MSTN: variants seen among roughly 807,000 people sequenced by gnomAD.
MSTN encodes growth/differentiation factor 8.
Under a neutral mutation model 32.3 loss-of-function variants are expected in MSTN, and 12 were observed. The ratio of observed to expected loss-of-function variants is 0.37; its 90% CI spans 0.24 to 0.60. The LOEUF (loss-of-function observed/expected upper bound fraction) is 0.60, where lower values mean the gene tolerates loss of function less well. MSTN is among the 20% of genes least tolerant of loss of function. The pLI is 0.67. For missense variants in MSTN, 403 were observed against 450.3 expected (o/e 0.89, Z 0.95); for synonymous variants, 168 against 155.1 (o/e 1.08, Z -0.62).
rs1685630056 is a variant in MSTN, at chr2:190,062,612, A to T, written c.-16T>A. 4 of 1,608,158 alleles carry T rather than the reference A, an allele frequency of 2.5e-6. No individual in the cohort carries two copies. Among genetic ancestry groups the T allele is most frequent in the Non-Finnish European group, 3.4e-6 (4 of 1,177,084 alleles). On this transcript the variant is annotated 5_prime_UTR_variant, in exon 1 of 3. Transcript: ENST00000260950. ...GTTTTTGCATGATTTTAAAATCAAT[A>T]TAATCTTTTTTCTTGTTCTTGTTTC...
rs1685409052 is a variant in MSTN, at chr2:190,055,899, C to A, written c.*1359G>T. On this transcript the variant is annotated 3_prime_UTR_variant, in exon 3 of 3. Coordinates refer to ENST00000260950, the MANE Select transcript of MSTN (RefSeq NM_005259.3). ...AAAGTAACAGTTATTGTTGAGATAG[C>A]ATCAGTTTATTCTTCATTTCAGATA... The A allele has an allele frequency of 6.6e-6, 1 of 152,232 alleles. No homozygotes were observed. Among genetic ancestry groups the A allele is most frequent in the Non-Finnish European group, 1.5e-5 (1 of 67,980 alleles). The allele number at this position is 152,232 out of a possible 1,614,324, so 9.4% of individuals were successfully genotyped here.
chr2:190,057,470 C>T lies in MSTN; in HGVS notation c.916G>A (p.Ala306Thr). 4 of 1,613,522 alleles carry T rather than the reference C, an allele frequency of 2.5e-6. No individual in the cohort carries two copies. Among genetic ancestry groups the T allele is most frequent in the Non-Finnish European group, 3.4e-6 (4 of 1,179,578 alleles). Reference sequence around the variant, plus strand: ...TCACACTCTCCAGAGCAGTAATTGGCCTTATATCTTTTAGGAGCGATAATC... The same window carrying T: ...TCACACTCTCCAGAGCAGTAATTGGTCTTATATCTTTTAGGAGCGATAATC... ...DWIIAPKRYK[A>T]NYCSGECEFV... Residue 306 changes from alanine (A) to threonine (T), a missense_variant, in exon 3 of 3, where the codon GCC (alanine) becomes ACC (threonine). Physicochemically the swap from Ala to Thr is moderately conservative, Grantham distance 58 (BLOSUM62 0). Transcript: ENST00000260950.
chr2:190,060,144 T>G lies in MSTN; in HGVS notation c.665A>C (p.Asn222Thr). 6.2e-7 allele frequency: 1 copy of G among 1,612,974 alleles called. No homozygotes were observed. The highest frequency in any genetic ancestry group is 8.5e-7 in the Non-Finnish European group (1 of 1,179,218). ...TAAAGCTTTTATTTCAATGCCTAAG[T>G]TGGATTCAGGTTGTTTGAGCCAATT... ...LQNWLKQPESNLGIEIKALDE... is the reference protein window; with the variant it reads ...LQNWLKQPESTLGIEIKALDE... The change falls in exon 2 of 3, where the codon AAC (asparagine) becomes ACC (threonine). Residue 222 changes from asparagine (N) to threonine (T), a missense_variant. By Grantham distance (65) the Asn-to-Thr change is moderately conservative (BLOSUM62 0). Transcript: ENST00000260950.
chr2:190,056,986 A>G lies in MSTN; in HGVS notation c.*272T>C. On this transcript the variant is annotated 3_prime_UTR_variant, in exon 3 of 3. Transcript: ENST00000260950. ...GAGAATCGCTTTCATTTCCTCGCCG[A>G]TGTTGTAATATATAGGAACATAAAT... is the stretch of plus-strand genomic sequence containing the variant. 1 of 374,942 alleles carries G rather than the reference A, an allele frequency of 2.7e-6. No homozygotes were observed. Among genetic ancestry groups the G allele is most frequent in the Non-Finnish European group, 4.8e-6 (1 of 206,616 alleles). 23.2% of individuals were successfully genotyped at this position (374,942 alleles called of 1,614,324 possible).
At position 190,060,298 on chromosome 2, in the gene MSTN, CA is replaced by C; in HGVS notation, c.510del (p.Phe170LeufsTer5). ...GGTTTGATGAGTCTCAGGATTTGCACAAACACTGTTGTAGGAGTCTCGACGG... is the reference window on the plus strand; with the variant it reads ...GGTTTGATGAGTCTCAGGATTTGCACAACACTGTTGTAGGAGTCTCGACGG... ...LRPVETPTTVFVQILRLIKPM... is the reference protein window; with the variant it reads ...LRPVETPTTVXVQILRLIKPM... On this transcript the variant is annotated frameshift_variant, in exon 2 of 3. Coordinates refer to ENST00000260950, the MANE Select transcript of MSTN (RefSeq NM_005259.3). LOFTEE classifies it high-confidence loss of function. 1 of 1,613,074 alleles carries C rather than the reference CA, an allele frequency of 6.2e-7. No homozygotes were observed.
Position 190,060,447 on chromosome 2 carries a change from T to G in MSTN, c.374-12A>C, listed in dbSNP as rs1470953405. 1 of 1,601,820 alleles carries G rather than the reference T, an allele frequency of 6.2e-7. No homozygotes were observed. On this transcript the variant is annotated splice_polypyrimidine_tract_variant and intron_variant, in intron 1 of 2. Coordinates refer to ENST00000260950, the MANE Select transcript of MSTN (RefSeq NM_005259.3). ...CATTAGAAAATCAGCTATAAATGAA[T>G]AAGAAAAGAAAAGTTGCTGAAATTA...
In MSTN at chr2:190,060,536, T is replaced by TAA. The variant is rs1354954340; in HGVS notation, c.374-102_374-101insTT. The TAA allele has an allele frequency of 9.0e-6, 9 of 1,001,712 alleles. No individual in the cohort carries two copies. In the African/African-American group the frequency reaches 1.5e-4, roughly 16 times the overall value. The allele number at this position is 1,001,712 out of a possible 1,614,324, so 62.1% of individuals were successfully genotyped here. On this transcript the variant is annotated intron_variant, in intron 1 of 2. Transcript: ENST00000260950. ...CATTTTTTTAAATTAAGATAATGTA[T>TAA]GCCTATGCAGTCTTTTAAAATGAAA... is the stretch of plus-strand genomic sequence containing the variant.
At chr2:190,061,922 C>T (rs1343544390) in intron 1 of MSTN, among the ~76,000 whole-genome samples, 1 of 151,788 alleles carries the variant, frequency 6.6e-6, no homozygotes, top group Non-Finnish European at 1.5e-5. Context: ...ATCTCCCAGT[C>T]CTTGCCTTGG....
At chr2:190,057,667 A>G in intron 2 of MSTN, 29 bp from the exon 3 acceptor site, 1 of 1,610,958 alleles carries the variant, frequency 6.2e-7, no homozygotes, top group Non-Finnish European at 8.5e-7. Flanking sequence ...ACAATCAGTA[A>G]TATCAATAGG....
intron 2 of MSTN, 74 bp from the exon 3 acceptor site, chr2:190,057,712 AT>A: frequency 1.3e-6 from 2 of 1,490,400 alleles, no homozygotes; most frequent in Non-Finnish European, 1.9e-6. Context: ...TTAAGAAGTT[AT>A]TGTTGAAGTA....
intron 1 of MSTN, 23 bp downstream of exon 1, chr2:190,062,201 T>C (rs778544642): frequency 1.2e-6 from 2 of 1,611,652 alleles, no homozygotes; most frequent in South Asian, 2.2e-5. Flanking sequence ...GAACTGTTGA[T>C]ATACACTAAT....
rs535765465 is a variant in MSTN, at chr2:190,057,456, A to G, written c.930T>C (p.Ser310=). 7 of 1,613,466 alleles carry G rather than the reference A, an allele frequency of 4.3e-6. No homozygotes were observed. Among genetic ancestry groups the G allele is most frequent in the Non-Finnish European group, 5.9e-6 (7 of 1,179,610 alleles). ...GTAAAAATACAAATTCACACTCTCC[A>G]GAGCAGTAATTGGCCTTATATCTTT... ...APKRYKANYC[S]GECEFVFLQK... Residue 310 remains serine, a synonymous_variant, in exon 3 of 3, where the codon TCT becomes TCC. Transcript: ENST00000260950.
chr2:190,062,611 TATA>T lies in MSTN; in HGVS notation c.-18_-16del, dbSNP rs1685630138. 6.2e-7 allele frequency: 1 copy of T among 1,607,964 alleles called. No individual in the cohort carries two copies. Among genetic ancestry groups the T allele is most frequent in the Admixed American group, 1.7e-5 (1 of 59,394 alleles). ...AGTTTTTGCATGATTTTAAAATCAA[TATA>T]ATCTTTTTTCTTGTTCTTGTTTCTT... On this transcript the variant is annotated 5_prime_UTR_variant, in exon 1 of 3. Coordinates refer to ENST00000260950, the MANE Select transcript of MSTN (RefSeq NM_005259.3).
In MSTN at chr2:190,057,209, G is replaced by A. The variant is rs375117601; in HGVS notation, c.*49C>T. 6.8e-6 allele frequency: 11 copies of A among 1,606,992 alleles called. No individual in the cohort carries two copies. The highest frequency in any genetic ancestry group is 2.7e-5 in the African/African-American group (2 of 74,724). On this transcript the variant is annotated 3_prime_UTR_variant, in exon 3 of 3. Coordinates refer to ENST00000260950, the MANE Select transcript of MSTN (RefSeq NM_005259.3). ...AATTTCACAGCTTCAAAATTGTTGA[G>A]GGGAAAACCTTCCATGTTTTAGGAA...
At position 190,056,657 on chromosome 2, in the gene MSTN, C is replaced by T. The variant is rs1685437494; in HGVS notation, c.*601G>A. Reference sequence around the variant, plus strand: ...TACTGAATGTTTTTTATGTGATAAACCTGGTAGCCTCAGACATTCAGCCTA... The same window carrying T: ...TACTGAATGTTTTTTATGTGATAAATCTGGTAGCCTCAGACATTCAGCCTA... On this transcript the variant is annotated 3_prime_UTR_variant, in exon 3 of 3. Transcript: ENST00000260950. The T allele has an allele frequency of 6.6e-6, 1 of 152,466 alleles. No homozygotes were observed. The highest frequency in any genetic ancestry group is 2.4e-5 in the African/African-American group (1 of 41,388). The allele number at this position is 152,466 out of a possible 1,614,324, so 9.4% of individuals were successfully genotyped here.
At chr2:190,062,079 A>G (rs1483555441) in intron 1 of MSTN, 145 bp downstream of exon 1, 30 of 847,228 alleles carry the variant, frequency 3.5e-5, no homozygotes, top group Admixed American at 8.0e-5. Context: ...TTCTCATGCA[A>G]TCTTGAAAAA....
chr2:190,061,833 T>G (rs552974136), intron 1 of MSTN, among the ~76,000 whole-genome samples: 84 of 151,994 alleles, frequency 5.5e-4, no homozygotes, highest in Non-Finnish European at 8.8e-4. Context: ...TTTTTTTCTG[T>G]TATTAGTGAA....
intron 2 of MSTN, among the ~76,000 whole-genome samples, 194 bp downstream of exon 2, chr2:190,059,868 G>A (rs1218403815): frequency 6.6e-6 from 1 of 151,936 alleles, no homozygotes; most frequent in Non-Finnish European, 1.5e-5. Flanking sequence ...TGCAAAGTAA[G>A]AGTATCAAGG....
chr2:190,058,571 A>G (rs1482142102), intron 2 of MSTN, among the ~76,000 whole-genome samples: 1 of 152,008 alleles, frequency 6.6e-6, no homozygotes, highest in Non-Finnish European at 1.5e-5. Flanking sequence ...TTATCGCAGC[A>G]TAATTCACAG....
Sources: allele counts gnomAD v4.1 joint callset (sites outside exome capture counted in the v4.1 genomes callset), GRCh38; gene constraint gnomAD v4.1.1; transcripts MANE v1.5; gene names NCBI Gene and HGNC (gene_info 2026-07-23, HGNC 2026-07-21).